PTPRD: variants seen among roughly 807,000 people sequenced by gnomAD.
PTPRD encodes protein tyrosine phosphatase receptor type D.
A neutral mutation model predicts 214.5 loss-of-function variants in PTPRD; 34 were observed. The observed-to-expected ratio is 0.16, with a 90% confidence interval of 0.12 to 0.21. The LOEUF (loss-of-function observed/expected upper bound fraction) is 0.21, where lower values mean the gene tolerates loss of function less well. Among genes scored for constraint, PTPRD ranks in the 10% least tolerant of loss-of-function variants. The pLI, the probability that PTPRD is intolerant of heterozygous loss-of-function variation, is 1.00. For synonymous variants in PTPRD, 1,128 were observed against 845.7 expected, an observed-to-expected ratio of 1.33 and a Z score of -5.79; for missense variants, 2,545 against 2,398.7, an observed-to-expected ratio of 1.06 and a Z score of -1.27.
intron 7 of PTPRD, among the ~76,000 whole-genome samples, chr9:9,594,866 G>A (rs2093127911): frequency 6.6e-6 from 1 of 151,894 alleles, no homozygotes; most frequent in South Asian, 2.1e-4. Flanking sequence ...AATCTACAAA[G>A]AACTCAAACA....
chr9:10,510,301 T>G (rs995823328), intron 2 of PTPRD, among the ~76,000 whole-genome samples: 4 of 152,124 alleles, frequency 2.6e-5, no homozygotes, highest in Non-Finnish European at 4.4e-5. Context: ...ACAATCTGAT[T>G]GATCTTTACA....
chr9:10,100,413 A>C (rs1167479944), intron 3 of PTPRD, among the ~76,000 whole-genome samples: 1 of 151,734 alleles, frequency 6.6e-6, no homozygotes. Context: ...CTACTCTCTT[A>C]GACTGATCTC....
intron 9 of PTPRD, among the ~76,000 whole-genome samples, chr9:9,351,364 G>C (rs185746743): frequency 6.6e-6 from 1 of 152,140 alleles, no homozygotes; most frequent in African/African-American, 2.4e-5. Flanking sequence ...AATCTGAAGG[G>C]ATTAGTCACC....
intron 11 of PTPRD, among the ~76,000 whole-genome samples, chr9:8,734,914 C>T (rs927607699): frequency 1.3e-5 from 2 of 152,044 alleles, no homozygotes; most frequent in African/African-American, 4.8e-5. Context: ...AACAAGATGA[C>T]GAAAAGGCAT....
intron 39 of PTPRD, among the ~76,000 whole-genome samples, chr9:8,366,402 G>A (rs1421816381): frequency 6.6e-6 from 1 of 152,196 alleles, no homozygotes; most frequent in Non-Finnish European, 1.5e-5. Context: ...TTGGGGGGAA[G>A]TGGAAGAGGT....
intron 36 of PTPRD, among the ~76,000 whole-genome samples, chr9:8,402,943 C>T (rs538230771): frequency 4.1e-4 from 62 of 151,952 alleles, no homozygotes; most frequent in African/African-American, 1.4e-3. Context: ...ATAGTATTTT[C>T]CACCATCCAA....
chr9:10,038,070 T>C (rs1047287080), intron 3 of PTPRD, among the ~76,000 whole-genome samples: 1 of 152,172 alleles, frequency 6.6e-6, no homozygotes, highest in African/African-American at 2.4e-5. Context: ...TTGAATTTAT[T>C]TTATCTGTCA....
At position 9,857,905 on chromosome 9, in the gene PTPRD, C is replaced by G. The variant is rs10978040; in HGVS notation, c.-368+80602G>C. ...TAAATGAGCATAGTTGATTAATACT[C>G]TACTTTTTTCATAAAGTAAATGAAA... On this transcript the variant is annotated intron_variant, in intron 5 of 45. Coordinates refer to ENST00000381196, the MANE Select transcript of PTPRD (RefSeq NM_002839.4). 2.0e-5 allele frequency among the ~76,000 whole-genome samples: 3 copies of G among 148,196 alleles called. No homozygotes were observed. The South Asian group carries it at 6.4e-4, about 32-fold the overall frequency.
At chr9:9,390,540 G>A (rs1305229026) in intron 9 of PTPRD, among the ~76,000 whole-genome samples, 3 of 151,990 alleles carry the variant, frequency 2.0e-5, no homozygotes, top group Non-Finnish European at 1.5e-5. Flanking sequence ...TAAGAGAAAA[G>A]AAGAAAATAA....
intron 2 of PTPRD, among the ~76,000 whole-genome samples, chr9:10,403,893 A>C (rs1042105170): frequency 3.3e-5 from 5 of 151,820 alleles, no homozygotes; most frequent in Middle Eastern, 3.4e-3. Context: ...GGGCACTAAA[A>C]ATACTCTGTA....
chr9:9,312,948 C>A (rs1171474097), intron 9 of PTPRD, among the ~76,000 whole-genome samples: 1 of 152,138 alleles, frequency 6.6e-6, no homozygotes, highest in Non-Finnish European at 1.5e-5. Flanking sequence ...TTTAATCCAC[C>A]ACCACTATGG....
At chr9:9,182,357 G>C (rs2099928689) in intron 10 of PTPRD, among the ~76,000 whole-genome samples, 1 of 151,914 alleles carries the variant, frequency 6.6e-6, no homozygotes, top group African/African-American at 2.4e-5. Context: ...TTTAAACTGA[G>C]GATGCAAAAT....
intron 3 of PTPRD, among the ~76,000 whole-genome samples, chr9:10,038,977 T>C (rs1291050618): frequency 6.6e-6 from 1 of 152,044 alleles, no homozygotes; most frequent in East Asian, 1.9e-4. Flanking sequence ...TTTATTCTTT[T>C]GTTGCTTACA....
intron 8 of PTPRD, among the ~76,000 whole-genome samples, chr9:9,541,433 C>T (rs1569569133): frequency 6.6e-6 from 1 of 151,876 alleles, no homozygotes; most frequent in East Asian, 1.9e-4. Context: ...TTGGAACTTC[C>T]AGCCCAACCC....
chr9:8,668,248 T>C lies in PTPRD; in HGVS notation c.65-31404A>G, dbSNP rs183586242. On this transcript the variant is annotated intron_variant, in intron 12 of 45. Coordinates refer to ENST00000381196, the MANE Select transcript of PTPRD (RefSeq NM_002839.4). ...AGAAAGCCACATGCTCATTTATTCT[T>C]TGTAGTAAAATCTATTCTTTATCAT... Among the ~76,000 whole-genome samples the C allele has an allele frequency of 1.6e-3, 241 of 152,322 alleles. 2 individuals are homozygous for C. Among genetic ancestry groups the C allele is most frequent in the Admixed American group, 0.014 (215 of 15,304 alleles).
chr9:9,388,825 A>C (rs1205025562), intron 9 of PTPRD, among the ~76,000 whole-genome samples: 2 of 152,214 alleles, frequency 1.3e-5, no homozygotes, highest in Non-Finnish European at 2.9e-5. Flanking sequence ...CAGAAAGAAT[A>C]AATAATAAAA....
chr9:10,555,281 G>A (rs1292788788), intron 2 of PTPRD, among the ~76,000 whole-genome samples: 2 of 152,036 alleles, frequency 1.3e-5, no homozygotes, highest in African/African-American at 4.8e-5. Context: ...GGTGCTTCCA[G>A]AAGAAAATAA....
chr9:10,404,052 G>C (rs2098321917), intron 2 of PTPRD, among the ~76,000 whole-genome samples: 1 of 151,726 alleles, frequency 6.6e-6, no homozygotes, highest in African/African-American at 2.4e-5. Flanking sequence ...CTCTGGTGGA[G>C]GATGGTCACT....
chr9:8,896,506 A>T (rs534035586), intron 11 of PTPRD, among the ~76,000 whole-genome samples: 1 of 152,224 alleles, frequency 6.6e-6, no homozygotes, highest in East Asian at 1.9e-4. Flanking sequence ...AAATTTCATT[A>T]TAAAGAATCA....
Sources: gnomAD v4.1 joint callset for allele counts (sites outside exome capture counted in the v4.1 genomes callset) on GRCh38, gnomAD v4.1.1 for gene constraint, MANE v1.5 for transcripts, NCBI Gene and HGNC (gene_info 2026-07-23, HGNC 2026-07-21) for gene names.